RGR: variants seen among roughly 807,000 people sequenced by gnomAD.
RGR encodes the protein RPE-retinal G protein-coupled receptor.
RGR carries 30 observed loss-of-function variants against 28.6 expected under a neutral mutation model. The observed-to-expected ratio is 1.05, with a 90% CI of 0.78 to 1.42. The LOEUF (loss-of-function observed/expected upper bound fraction) is 1.42. Ranked by LOEUF, RGR falls within the 40% of genes most tolerant of loss-of-function variation. The probability of loss-of-function intolerance (pLI) is 0.00; values close to 1 mark genes in which losing one functional copy is unlikely to be tolerated. For synonymous variants in RGR, 180 were observed against 156.4 expected, an observed-to-expected ratio of 1.15 and a Z score of -1.13; for missense variants, 404 against 375.6, an observed-to-expected ratio of 1.08 and a Z score of -0.62.
chr10:84,247,502 T>A, intron 1 of RGR, 89 bp from the exon 2 acceptor site: 2 of 1,433,134 alleles, frequency 1.4e-6, no homozygotes, highest in Non-Finnish European at 2.0e-6. Context: ...GTCCAGGAGG[T>A]TGCTGATGTT....
At position 84,257,980 on chromosome 10, in the gene RGR, A is replaced by G; in HGVS notation, c.718A>G (p.Thr240Ala). 3 of 1,614,148 alleles carry G rather than the reference A, an allele frequency of 1.9e-6. No homozygotes were observed. Among genetic ancestry groups the G allele is most frequent in the Non-Finnish European group, 2.5e-6 (3 of 1,180,030 alleles). Reference protein sequence around the residue: ...LYLYAVIADVTSISPKLQMVP... With the variant: ...LYLYAVIADVASISPKLQMVP... ...TCTATACGCAGTCATCGCAGACGTG[A>G]CTTCCATCTCCCCCAAACTGCAGAT... is the stretch of plus-strand genomic sequence containing the variant. Residue 240 changes from threonine to alanine, a missense_variant, in exon 6 of 7, where the codon ACT becomes GCT. Physicochemically the swap from Thr to Ala is moderately conservative, Grantham distance 58 (BLOSUM62 0). Transcript: ENST00000652092.
chr10:84,251,431 C>A (rs749739982), intron 3 of RGR, among the ~76,000 whole-genome samples: 2 of 152,114 alleles, frequency 1.3e-5, no homozygotes, highest in Non-Finnish European at 2.9e-5. Flanking sequence ...CTGGGAAGTC[C>A]AAATGCGAGG....
chr10:84,248,494 G>C, intron 2 of RGR: 1 of 300,048 alleles, frequency 3.3e-6, no homozygotes, highest in South Asian at 3.5e-5. Flanking sequence ...TCCTCCCACA[G>C]AGAATTGAAG....
chr10:84,254,269 A>C lies in RGR; in HGVS notation c.513-57A>C, dbSNP rs1039090575. 5 of 1,455,524 alleles carry C rather than the reference A, an allele frequency of 3.4e-6. No homozygotes were observed. In the African/African-American group the frequency reaches 7.0e-5, roughly 20 times the overall value. The allele number at this position is 1,455,524 out of a possible 1,614,324, so 90.2% of individuals were successfully genotyped here. On this transcript the variant is annotated intron_variant, in intron 4 of 6. Coordinates refer to ENST00000652092, the MANE Select transcript of RGR (RefSeq NM_001012720.2). ...CTAGGGCAGAGCTGGTGGGTCCTTG[A>C]GGGCAGCTGGCCATCCCTGAGAGCT...
In RGR at chr10:84,258,826, C is replaced by T. The variant is rs1007684949; in HGVS notation, c.*187C>T. ...GAAAGAGCCAGATGGACCTGAGTGT[C>T]GGTCACAGCCCCCTACACTCAAGGC... On this transcript the variant is annotated 3_prime_UTR_variant, in exon 7 of 7. Transcript: ENST00000652092. The T allele has an allele frequency of 3.4e-5, 26 of 762,926 alleles. No individual in the cohort carries two copies. Among genetic ancestry groups the T allele is most frequent in the Middle Eastern group, 3.7e-4 (1 of 2,728 alleles). 47.3% of individuals were successfully genotyped at this position (762,926 alleles called of 1,614,324 possible). A position where few individuals can be genotyped will look rare whatever the true frequency, so the allele number is the denominator to read the frequency against.
At chr10:84,245,956 C>T (rs569702937) in intron 1 of RGR, among the ~76,000 whole-genome samples, 1 of 152,296 alleles carries the variant, frequency 6.6e-6, no homozygotes, top group Admixed American at 6.5e-5. Flanking sequence ...ATCATCAGCA[C>T]GTTTTCTCAC....
rs1334515260 is a variant in RGR at position 84,247,622 on chromosome 10, C to A, written c.111C>A (p.Thr37=). ...ALSGLSLNTL[T]IFSFCKTPEL... is the part of the protein sequence containing the mutation. Reference sequence around the variant, plus strand: ...CCGGTCTCAGCCTCAATACCCTGACCATCTTCTCTTTCTGCAAGACCCCGG... The same window carrying A: ...CCGGTCTCAGCCTCAATACCCTGACAATCTTCTCTTTCTGCAAGACCCCGG... The change falls in exon 2 of 7, where the codon ACC becomes ACA. Residue 37 remains threonine, a synonymous_variant. Coordinates refer to ENST00000652092, the MANE Select transcript of RGR (RefSeq NM_001012720.2). The A allele has an allele frequency of 1.9e-6, 3 of 1,614,058 alleles. No individual in the cohort carries two copies. Among genetic ancestry groups the A allele is most frequent in the Middle Eastern group, 1.6e-4 (1 of 6,084 alleles).
chr10:84,258,164 C>T (rs530747945), intron 6 of RGR, among the ~76,000 whole-genome samples, 158 bp downstream of exon 6: 2 of 152,260 alleles, frequency 1.3e-5, no homozygotes, highest in South Asian at 4.1e-4. Context: ...TAGTTTGCCC[C>T]CCTAATCCCC....
chr10:84,249,167 T>C (rs1428285804), intron 3 of RGR, 124 bp downstream of exon 3: 1 of 1,406,860 alleles, frequency 7.1e-7, no homozygotes, highest in African/African-American at 1.4e-5. Flanking sequence ...TGTGGGTAGG[T>C]GTGAGTGTGC....
intron 3 of RGR, chr10:84,250,635 C>T: frequency 3.4e-6 from 2 of 587,478 alleles, no homozygotes; most frequent in South Asian, 2.0e-5. Context: ...AGATCAAAGC[C>T]CTTTCTATAC....
chr10:84,252,701 A>T (rs1842833620), intron 3 of RGR, among the ~76,000 whole-genome samples, 156 bp from the exon 4 acceptor site: 1 of 152,158 alleles, frequency 6.6e-6, no homozygotes, highest in Admixed American at 6.5e-5. Flanking sequence ...TTCTGGCAGG[A>T]TGTAGTGGCT....
chr10:84,252,934 C>T lies in RGR; in HGVS notation c.436C>T (p.Pro146Ser), dbSNP rs769540669. 6.2e-7 allele frequency: 1 copy of T among 1,614,084 alleles called. No individual in the cohort carries two copies. Among genetic ancestry groups the T allele is most frequent in the Non-Finnish European group, 8.5e-7 (1 of 1,180,022 alleles). The change falls in exon 4 of 7, where the codon CCC (proline) becomes TCC (serine). Residue 146 changes from proline (P) to serine (S), a missense_variant. Physicochemically the swap from Pro to Ser is moderately conservative, Grantham distance 74. Transcript: ENST00000652092. ...GTCTTCTGCCTTCTGGGCAGCTCTGCCCCTTCTGGGTTGGGGTCACTACGA... is the reference window on the plus strand; with the variant it reads ...GTCTTCTGCCTTCTGGGCAGCTCTGTCCCTTCTGGGTTGGGGTCACTACGA... Reference protein sequence around the residue: ...WLSSAFWAALPLLGWGHYDYE... With the variant: ...WLSSAFWAALSLLGWGHYDYE...
intron 3 of RGR, 38 bp from the exon 4 acceptor site, chr10:84,252,819 C>T (rs768550255): frequency 1.9e-6 from 3 of 1,613,800 alleles, no homozygotes; most frequent in East Asian, 2.2e-5. Context: ...AGGCCATCTC[C>T]TCCTCACAAC....
intron 3 of RGR, among the ~76,000 whole-genome samples, chr10:84,250,108 C>T (rs1314172920): frequency 6.6e-6 from 1 of 152,160 alleles, no homozygotes; most frequent in African/African-American, 2.4e-5. Context: ...ACCTTCAGCT[C>T]ACAGCCTCGG....
rs1316782139 is a variant in RGR at position 84,259,531 on chromosome 10, T to C, written c.*892T>C. 6.6e-6 allele frequency: 1 copy of C among 152,188 alleles called. No individual in the cohort carries two copies. The highest frequency in any genetic ancestry group is 1.5e-5 in the Non-Finnish European group (1 of 68,032). The allele number at this position is 152,188 out of a possible 1,614,324, so 9.4% of individuals were successfully genotyped here. On this transcript the variant is annotated 3_prime_UTR_variant, in exon 7 of 7. Coordinates refer to ENST00000652092, the MANE Select transcript of RGR (RefSeq NM_001012720.2). ...AACAGTGTATAGGTGTTCCCTTTTC[T>C]CTGCATCCTTACCAATATCTGTAAT...
At chr10:84,247,373 T>C (rs1842759346) in intron 1 of RGR, among the ~76,000 whole-genome samples, 1 of 152,212 alleles carries the variant, frequency 6.6e-6, no homozygotes, top group African/African-American at 2.4e-5. Flanking sequence ...TTGAATGAGA[T>C]GACTCATATA....
In RGR at chr10:84,246,603, T is replaced by C. The variant is rs577798276; in HGVS notation, c.80-988T>C. Among the ~76,000 whole-genome samples the C allele has an allele frequency of 1.2e-4, 19 of 152,362 alleles. 1 individual carries two copies. In the South Asian group the frequency reaches 2.3e-3, roughly 18 times the overall value. On this transcript the variant is annotated intron_variant, in intron 1 of 6. Transcript: ENST00000652092. ...CTATTATTCCATGATGTATATATAC[T>C]ACATTTTCTTTATCCATTCATTGGT...
intron 5 of RGR, among the ~76,000 whole-genome samples, chr10:84,256,912 C>CG (rs1222003832): frequency 6.6e-6 from 1 of 152,100 alleles, no homozygotes; most frequent in Non-Finnish European, 1.5e-5. Flanking sequence ...GCGTAGCCTC[C>CG]CCAGGGGATT....
At chr10:84,248,070 T>C in intron 2 of RGR, 1 of 551,088 alleles carries the variant, frequency 1.8e-6, no homozygotes, top group South Asian at 2.0e-5. Context: ...AATCGGATAT[T>C]ATTTCCTAAC....
Sources: gnomAD v4.1 joint callset for allele counts (sites outside exome capture counted in the v4.1 genomes callset) on GRCh38, gnomAD v4.1.1 for gene constraint, MANE v1.5 for transcripts, NCBI Gene and HGNC (gene_info 2026-07-23, HGNC 2026-07-21) for gene names.